The following OSBP2 variants were observed in gnomAD, a reference collection of about 807,000 sequenced individuals.
OSBP2 encodes oxysterol binding protein 2, also known as oxysterol-binding protein 2.
Under a neutral mutation model 96.0 loss-of-function variants are expected in OSBP2, and 66 were observed. The observed-to-expected ratio is 0.69, with a 90% confidence interval of 0.56 to 0.84. The LOEUF is 0.84. Ranked by LOEUF, OSBP2 falls within the 40% of genes least tolerant of loss-of-function variation. The pLI is 0.00. For missense variants in OSBP2, 1,038 were observed against 1,222.7 expected (o/e 0.85, Z 2.25); for synonymous variants, 525 against 520.9 (o/e 1.01, Z -0.11).
intron 2 of OSBP2, among the ~76,000 whole-genome samples, chr22:30,867,815 C>CAGTG (rs1327495865): frequency 2.4e-4 from 37 of 152,274 alleles, no homozygotes; most frequent in African/African-American, 8.9e-4. Context: ...GTACCTCTCA[C>CAGTG]CAGCTCTTGC....
intron 2 of OSBP2, among the ~76,000 whole-genome samples, chr22:30,810,918 G>C (rs374356395): frequency 6.6e-6 from 1 of 152,110 alleles, no homozygotes; most frequent in African/African-American, 2.4e-5. Flanking sequence ...ACAGGTTTCA[G>C]CGTGAGCCGG....
chr22:30,873,434 T>G (rs566406363), intron 3 of OSBP2, among the ~76,000 whole-genome samples: 1 of 152,280 alleles, frequency 6.6e-6, no homozygotes, highest in South Asian at 2.1e-4. Context: ...TCACCATGGC[T>G]GCAGCCCCAC....
chr22:30,782,771 G>A (rs960841148), intron 2 of OSBP2, among the ~76,000 whole-genome samples: 3 of 152,080 alleles, frequency 2.0e-5, no homozygotes, highest in African/African-American at 4.8e-5. Flanking sequence ...TTTATCTTGG[G>A]TAAATATTTA....
intron 1 of OSBP2, among the ~76,000 whole-genome samples, chr22:30,736,432 G>A (rs2089856477): frequency 6.6e-6 from 1 of 152,130 alleles, no homozygotes; most frequent in Non-Finnish European, 1.5e-5. Flanking sequence ...CCTATGATGG[G>A]GGCTTGGGGC....
chr22:30,791,919 A>G (rs981814755), intron 2 of OSBP2, among the ~76,000 whole-genome samples: 1 of 152,242 alleles, frequency 6.6e-6, no homozygotes. Context: ...CTCAATGGGT[A>G]TATAGATAAG....
At chr22:30,723,710 G>A (rs893307518) in intron 1 of OSBP2, among the ~76,000 whole-genome samples, 7 of 152,056 alleles carry the variant, frequency 4.6e-5, no homozygotes, top group East Asian at 1.9e-4. Flanking sequence ...CACCGCACCC[G>A]GCCAGATTTT....
At chr22:30,864,359 C>A (rs578122304) in intron 2 of OSBP2, among the ~76,000 whole-genome samples, 8 of 152,300 alleles carry the variant, frequency 5.3e-5, no homozygotes, top group African/African-American at 1.9e-4. Context: ...GGGCCCCAGG[C>A]ACTGTACCAT....
intron 1 of OSBP2, among the ~76,000 whole-genome samples, chr22:30,738,045 A>C (rs376022158): frequency 6.6e-6 from 1 of 150,486 alleles, no homozygotes; most frequent in African/African-American, 2.4e-5. Context: ...CCTACAAGGT[A>C]CTGAATTTAG....
intron 1 of OSBP2, among the ~76,000 whole-genome samples, chr22:30,732,422 G>C (rs2089794591): frequency 6.6e-6 from 1 of 152,114 alleles, no homozygotes; most frequent in Non-Finnish European, 1.5e-5. Flanking sequence ...ATGGCAATTA[G>C]GATCAGTGAC....
chr22:30,695,249 G>GT lies in OSBP2; in HGVS notation c.341dup (p.Gly115ArgfsTer7). 1 of 1,613,548 alleles carries GT rather than the reference G, an allele frequency of 6.2e-7. No homozygotes were observed. Among genetic ancestry groups the GT allele is most frequent in the Non-Finnish European group, 8.5e-7 (1 of 1,180,004 alleles). On this transcript the variant is annotated frameshift_variant, in exon 1 of 14. Transcript: ENST00000332585. LOFTEE classifies it high-confidence loss of function. ...GCCGGGGTCAGAGTCAAGCTCAGGT[G>GT]TAGGGGCTGGGCCCTTCACTAAGGC...
At position 30,794,953 on chromosome 22, in the gene OSBP2, C is replaced by G. The variant is rs994391959; in HGVS notation, c.853+53584C>G. ...TGAGACAGAGTCTCGCTCTGTCACCCAGGCTGGAGTGCAGTGGCGCAATCT... is the reference window on the plus strand; with the variant it reads ...TGAGACAGAGTCTCGCTCTGTCACCGAGGCTGGAGTGCAGTGGCGCAATCT... On this transcript the variant is annotated intron_variant, in intron 2 of 13. Coordinates refer to ENST00000332585, the MANE Select transcript of OSBP2 (RefSeq NM_030758.4). 1.7e-4 allele frequency among the ~76,000 whole-genome samples: 26 copies of G among 151,366 alleles called. 4 individuals carry two copies. Among genetic ancestry groups the G allele is most frequent in the Admixed American group, 1.5e-3 (23 of 15,234 alleles).
At chr22:30,876,915 G>A (rs1278116090) in intron 3 of OSBP2, among the ~76,000 whole-genome samples, 2 of 152,046 alleles carry the variant, frequency 1.3e-5, no homozygotes, top group Non-Finnish European at 2.9e-5. Context: ...CCCTCCCCTT[G>A]ATCAGGGTCA....
intron 2 of OSBP2, among the ~76,000 whole-genome samples, chr22:30,783,523 T>C (rs770397012): frequency 2.6e-4 from 39 of 151,956 alleles, no homozygotes; most frequent in Non-Finnish European, 4.9e-4. Flanking sequence ...GGTTTCACCA[T>C]GTTGGCCAGG....
intron 1 of OSBP2, among the ~76,000 whole-genome samples, chr22:30,709,160 A>G (rs1307606808): frequency 6.6e-6 from 1 of 152,184 alleles, no homozygotes; most frequent in Non-Finnish European, 1.5e-5. Context: ...CAATACCACT[A>G]TTACAACTAA....
In OSBP2 at chr22:30,763,835, A is replaced by G. The variant is rs188435793; in HGVS notation, c.853+22466A>G. 1.4e-4 allele frequency among the ~76,000 whole-genome samples: 22 copies of G among 152,106 alleles called. No homozygotes were observed. In the East Asian group the frequency reaches 4.2e-3, roughly 29 times the overall value. ...CGAGCATTTAACCCTATCCTGGGGG[A>G]CCTTGACCCCCAGCCCACTTGGGGT... On this transcript the variant is annotated intron_variant, in intron 2 of 13. Coordinates refer to ENST00000332585, the MANE Select transcript of OSBP2 (RefSeq NM_030758.4).
At chr22:30,741,423 G>A in intron 2 of OSBP2, 54 bp downstream of exon 2, 2 of 1,455,150 alleles carry the variant, frequency 1.4e-6, no homozygotes, top group Non-Finnish European at 1.9e-6. Flanking sequence ...TGAGTCTGGA[G>A]GAAGTGGGAA....
intron 2 of OSBP2, among the ~76,000 whole-genome samples, chr22:30,827,844 G>A (rs1365856792): frequency 6.6e-6 from 1 of 152,220 alleles, no homozygotes; most frequent in Non-Finnish European, 1.5e-5. Context: ...TTAATCAATG[G>A]TAGCAAGGAA....
chr22:30,799,533 G>A (rs1378373391), intron 2 of OSBP2, among the ~76,000 whole-genome samples: 1 of 152,252 alleles, frequency 6.6e-6, no homozygotes, highest in African/African-American at 2.4e-5. Context: ...GAGGCCCAAA[G>A]ACAAAGGGCA....
intron 1 of OSBP2, among the ~76,000 whole-genome samples, chr22:30,700,857 G>A (rs1229231486): frequency 2.6e-5 from 4 of 151,700 alleles, no homozygotes; most frequent in South Asian, 2.1e-4. Context: ...AGGCTGAGGC[G>A]GGCAGATCAC....
Sources: allele counts gnomAD v4.1 joint callset (sites outside exome capture counted in the v4.1 genomes callset), GRCh38; gene constraint gnomAD v4.1.1; transcripts MANE v1.5; gene names NCBI Gene and HGNC (gene_info 2026-07-23, HGNC 2026-07-21).